Variants in PTTG1IP2 observed in about 807,000 individuals in gnomAD.
PTTG1IP2 encodes PTTG1IP family member 2.
In PTTG1IP2 at chr7:90,477,628, G is replaced by A. The variant is rs17866114; in HGVS notation, c.146-1600G>A. Among the ~76,000 whole-genome samples the A allele has an allele frequency of 7.3e-3, 1,114 of 152,270 alleles. 18 individuals are homozygous for A. Among genetic ancestry groups the A allele is most frequent in the African/African-American group, 0.026 (1,066 of 41,560 alleles). On this transcript the variant is annotated intron_variant, in intron 1 of 6. Transcript: ENST00000509356. ...AGCAAGGCAAGAGTGAGACATTGTC[G>A]CAGACCAGAGGAGACATGATGACTA...
At chr7:90,497,713 TATAAAAAA>T (rs1283281501) in intron 6 of PTTG1IP2, among the ~76,000 whole-genome samples, 20 of 49,598 alleles carry the variant, frequency 4.0e-4, no homozygotes, top group Admixed American at 2.2e-3. Flanking sequence ...AAAGACCCTG[TATAAAAAA>T]AAAAAAAAAA....
intron 1 of PTTG1IP2, among the ~76,000 whole-genome samples, chr7:90,477,442 A>G (rs1441786253): frequency 3.9e-5 from 6 of 152,244 alleles, no homozygotes; most frequent in Non-Finnish European, 8.8e-5. Context: ...ATTTACTGAC[A>G]TAATGTGTTG....
chr7:90,511,133 C>A (rs929328753), intron 6 of PTTG1IP2, among the ~76,000 whole-genome samples: 1 of 151,820 alleles, frequency 6.6e-6, no homozygotes, highest in African/African-American at 2.4e-5. Context: ...TGTCTGGCCT[C>A]TCTTTAGTCT....
At chr7:90,477,194 T>C (rs984067278) in intron 1 of PTTG1IP2, among the ~76,000 whole-genome samples, 4 of 152,194 alleles carry the variant, frequency 2.6e-5, no homozygotes, top group South Asian at 4.2e-4. Flanking sequence ...AGAAAACATA[T>C]ATGCAAACAT....
intron 6 of PTTG1IP2, among the ~76,000 whole-genome samples, chr7:90,501,181 A>G (rs750608375): frequency 1.3e-5 from 2 of 152,208 alleles, no homozygotes; most frequent in Non-Finnish European, 2.9e-5. Context: ...AGATATGTAA[A>G]CATAATATTT....
chr7:90,494,326 G>A (rs953792138), intron 5 of PTTG1IP2, 41 bp from the exon 6 acceptor site: 3 of 152,012 alleles, frequency 2.0e-5, no homozygotes, highest in Non-Finnish European at 4.4e-5. Flanking sequence ...ACTTTTCCTA[G>A]ATAGAATTTG....
At chr7:90,506,920 A>AT (rs138638783) in intron 6 of PTTG1IP2, among the ~76,000 whole-genome samples, 7,952 of 151,962 alleles carry the variant, frequency 0.052, 502 homozygotes, top group East Asian at 0.16. Context: ...CTGGTGTGGT[A>AT]TTTTTTACTG....
intron 2 of PTTG1IP2, among the ~76,000 whole-genome samples, chr7:90,481,084 T>A (rs915482413): frequency 9.9e-5 from 15 of 152,206 alleles, no homozygotes; most frequent in Admixed American, 7.9e-4. Context: ...GTAGATAAGA[T>A]TTTTTGTCTA....
At chr7:90,481,816 A>C (rs1257476135) in intron 2 of PTTG1IP2, among the ~76,000 whole-genome samples, 4 of 151,992 alleles carry the variant, frequency 2.6e-5, no homozygotes, top group Non-Finnish European at 5.9e-5. Flanking sequence ...TCATCTTTGT[A>C]TCTCTAACAC....
intron 1 of PTTG1IP2, among the ~76,000 whole-genome samples, chr7:90,470,517 T>G (rs1797671026): frequency 6.6e-6 from 1 of 152,246 alleles, no homozygotes; most frequent in East Asian, 1.9e-4. Flanking sequence ...GAAAGTGCCC[T>G]GTAAAGCCAA....
chr7:90,510,230 A>G (rs1798171722), intron 6 of PTTG1IP2, among the ~76,000 whole-genome samples: 1 of 152,184 alleles, frequency 6.6e-6, no homozygotes, highest in South Asian at 2.1e-4. Context: ...TACTGTTAAA[A>G]TTAAATTTCT....
intron 6 of PTTG1IP2, among the ~76,000 whole-genome samples, chr7:90,504,967 AC>A (rs1798107868): frequency 1.3e-5 from 2 of 152,194 alleles, no homozygotes; most frequent in African/African-American, 4.8e-5. Context: ...ACACTAATAA[AC>A]CCCACATGGT....
intron 1 of PTTG1IP2, among the ~76,000 whole-genome samples, chr7:90,472,524 G>T (rs1032007072): frequency 4.6e-5 from 7 of 152,176 alleles, no homozygotes; most frequent in African/African-American, 1.7e-4. Context: ...ATAAGGCAAG[G>T]CTTCCGAGTT....
At chr7:90,489,713 T>C (rs546297281) in intron 4 of PTTG1IP2, among the ~76,000 whole-genome samples, 109 of 152,066 alleles carry the variant, frequency 7.2e-4, no homozygotes, top group South Asian at 4.4e-3. Context: ...TTATACATGA[T>C]TGTATAAATG....
In PTTG1IP2 at chr7:90,507,226, T is replaced by C. The variant is rs1798134606; in HGVS notation, c.*51-6052T>C. ...TAAGTGTATGTAGTGATGATTTCTG[T>C]GAAAAGCTATCTAAATAAAATAAAA... On this transcript the variant is annotated intron_variant, in intron 6 of 6. Coordinates refer to ENST00000509356, the MANE Select transcript of PTTG1IP2 (RefSeq NM_001365443.2). 2.0e-5 allele frequency among the ~76,000 whole-genome samples: 3 copies of C among 152,180 alleles called. 1 individual carries two copies. The highest frequency in any genetic ancestry group is 1.3e-4 in the Admixed American group (2 of 15,268).
chr7:90,504,232 C>T (rs1323062772), intron 6 of PTTG1IP2, among the ~76,000 whole-genome samples: 1 of 151,854 alleles, frequency 6.6e-6, no homozygotes, highest in East Asian at 1.9e-4. Flanking sequence ...CAGAGAATTG[C>T]TTGAACCTGG....
At chr7:90,487,563 T>C (rs1393946600) in intron 3 of PTTG1IP2, 143 bp downstream of exon 3, 1 of 152,600 alleles carries the variant, frequency 6.6e-6, no homozygotes, top group Non-Finnish European at 1.5e-5. Flanking sequence ...CCATGGCACA[T>C]GTATACCTAT....
intron 6 of PTTG1IP2, among the ~76,000 whole-genome samples, chr7:90,497,621 G>C (rs2116102126): frequency 6.7e-6 from 1 of 148,574 alleles, no homozygotes; most frequent in East Asian, 2.0e-4. Context: ...GAAGGGTGGG[G>C]CAGGAGGAGC....
At chr7:90,486,087 C>G (rs1380728906) in intron 2 of PTTG1IP2, among the ~76,000 whole-genome samples, 2 of 152,164 alleles carry the variant, frequency 1.3e-5, no homozygotes, top group Non-Finnish European at 1.5e-5. Context: ...GTGATATACC[C>G]TTGGTACTTA....
Sources: gnomAD v4.1 joint callset for allele counts (sites outside exome capture counted in the v4.1 genomes callset) on GRCh38, gnomAD v4.1.1 for gene constraint, MANE v1.5 for transcripts, NCBI Gene and HGNC (gene_info 2026-07-23, HGNC 2026-07-21) for gene names.